PCDH15: variants seen among roughly 807,000 people sequenced by gnomAD.
The protein encoded by PCDH15 is protocadherin-15.
PCDH15 carries 129 observed loss-of-function variants against 178.5 expected under a neutral mutation model. That is an observed-to-expected ratio of 0.72 (90% CI 0.63 to 0.84). The LOEUF (loss-of-function observed/expected upper bound fraction) is 0.84, where lower values mean the gene tolerates loss of function less well. PCDH15 is among the 40% of genes least tolerant of loss of function. PCDH15 has a pLI of 0.00. For missense variants in PCDH15, 2,230 were observed against 2,099.9 expected (o/e 1.06, Z -1.21); for synonymous variants, 800 against 732.0 (o/e 1.09, Z -1.50).
At chr10:55,594,239 A>T (rs1278145177) in intron 2 of PCDH15, among the ~76,000 whole-genome samples, 10 of 151,904 alleles carry the variant, frequency 6.6e-5, no homozygotes, top group Non-Finnish European at 1.5e-4. Context: ...CTTAATTGTT[A>T]TAATGATTAA....
chr10:54,814,857 T>C (rs1436856874), intron 3 of PCDH15, among the ~76,000 whole-genome samples: 3 of 152,152 alleles, frequency 2.0e-5, no homozygotes, highest in African/African-American at 7.2e-5. Flanking sequence ...GAGTCTTTCA[T>C]CCTGTTTCCA....
chr10:54,331,316 A>C (rs1485995007), intron 6 of PCDH15, among the ~76,000 whole-genome samples: 2 of 151,782 alleles, frequency 1.3e-5, no homozygotes, highest in African/African-American at 4.8e-5. Flanking sequence ...ATAAAGACAC[A>C]CACACTGTAC....
intron 2 of PCDH15, among the ~76,000 whole-genome samples, chr10:55,119,090 C>T (rs569315041): frequency 1.2e-4 from 19 of 152,248 alleles, no homozygotes; most frequent in African/African-American, 4.6e-4. Flanking sequence ...TCACCAGCTG[C>T]CTCTGTAGGT....
chr10:54,990,977 AC>A (rs1406404463), intron 2 of PCDH15, among the ~76,000 whole-genome samples: 5 of 150,740 alleles, frequency 3.3e-5, no homozygotes, highest in Non-Finnish European at 7.4e-5. Flanking sequence ...GAAAAAAAAA[AC>A]AATTCTAATT....
intron 2 of PCDH15, among the ~76,000 whole-genome samples, chr10:55,342,121 T>C (rs1400704867): frequency 1.3e-5 from 2 of 151,608 alleles, no homozygotes; most frequent in Non-Finnish European, 2.9e-5. Context: ...AATAAAATTT[T>C]ATTTTCCCTG....
chr10:54,493,774 G>A (rs1408707332), intron 3 of PCDH15, among the ~76,000 whole-genome samples: 1 of 152,056 alleles, frequency 6.6e-6, no homozygotes, highest in Non-Finnish European at 1.5e-5. Context: ...CTGCTACAAA[G>A]ACACATGCAC....
chr10:53,980,987 T>C (rs1376885350), intron 21 of PCDH15, among the ~76,000 whole-genome samples: 1 of 152,210 alleles, frequency 6.6e-6, no homozygotes, highest in Non-Finnish European at 1.5e-5. Context: ...TGTCCTTTTA[T>C]CTGCTAAATT....
At chr10:54,478,323 T>C (rs1031757838) in intron 3 of PCDH15, among the ~76,000 whole-genome samples, 1 of 152,134 alleles carries the variant, frequency 6.6e-6, no homozygotes, top group Non-Finnish European at 1.5e-5. Context: ...AGAAAAAGTT[T>C]ACTAAAACAG....
At chr10:54,353,104 C>A (rs751428462) in intron 5 of PCDH15, among the ~76,000 whole-genome samples, 1 of 152,068 alleles carries the variant, frequency 6.6e-6, no homozygotes, top group African/African-American at 2.4e-5. Flanking sequence ...TCTGAATCTA[C>A]GATTATTTAT....
intron 2 of PCDH15, among the ~76,000 whole-genome samples, chr10:54,903,153 G>C (rs567833074): frequency 6.6e-6 from 1 of 152,064 alleles, no homozygotes; most frequent in African/African-American, 2.4e-5. Flanking sequence ...TATGAAGGAG[G>C]AAACAGACTA....
chr10:54,391,587 GA>G (rs112034818), intron 3 of PCDH15, among the ~76,000 whole-genome samples: 2,989 of 146,776 alleles, frequency 0.02, 97 homozygotes, highest in African/African-American at 0.068. Flanking sequence ...ATTTCATCAG[GA>G]AAAAAAAAAA....
chr10:53,894,129 T>C (rs548830153), intron 26 of PCDH15, among the ~76,000 whole-genome samples: 4 of 152,174 alleles, frequency 2.6e-5, no homozygotes, highest in Non-Finnish European at 4.4e-5. Context: ...TGTCTTTAAG[T>C]TGATGGGAAA....
At chr10:55,597,174 G>A (rs1406299224) in intron 2 of PCDH15, 3 of 152,124 alleles carry the variant, frequency 2.0e-5, no homozygotes, top group Non-Finnish European at 4.4e-5. Context: ...AATATTCTGA[G>A]TCAACATACC....
chr10:53,952,659 C>G (rs916964982), intron 23 of PCDH15, among the ~76,000 whole-genome samples: 3 of 152,184 alleles, frequency 2.0e-5, no homozygotes, highest in Non-Finnish European at 2.9e-5. Context: ...CAGACCCATC[C>G]CTTTCCACCC....
chr10:55,053,380 C>T (rs373284851), intron 2 of PCDH15, among the ~76,000 whole-genome samples: 166 of 152,238 alleles, frequency 1.1e-3, no homozygotes, highest in African/African-American at 3.7e-3. Context: ...TACATCAAGA[C>T]GGTACATGAG....
chr10:55,211,748 T>TA lies in PCDH15; in HGVS notation c.-155-45098dup, dbSNP rs766883179. 2.6e-5 allele frequency among the ~76,000 whole-genome samples: 4 copies of TA among 152,082 alleles called. No individual in the cohort carries two copies. In the East Asian group the frequency reaches 7.7e-4, roughly 29 times the overall value. ...CTAAATATATATAGACAAATTGACT[T>TA]AAAGTGAACAAAGAAAGTTACTATA... On this transcript the variant is annotated intron_variant, in intron 1 of 5. Transcript: ENST00000458638.
At chr10:55,255,935 C>T (rs1235425707) in intron 1 of PCDH15, among the ~76,000 whole-genome samples, 1 of 147,770 alleles carries the variant, frequency 6.8e-6, no homozygotes, top group East Asian at 2.0e-4. Flanking sequence ...TTTTGCTGTG[C>T]AGAAGCTGTT....
chr10:55,172,208 T>C (rs1044547679), intron 1 of PCDH15, among the ~76,000 whole-genome samples: 4 of 151,974 alleles, frequency 2.6e-5, no homozygotes, highest in African/African-American at 9.7e-5. Context: ...ATAGGGAACC[T>C]TGACTGACAA....
At chr10:53,821,204 C>T (rs1310191802) in intron 32 of PCDH15, 3 of 963,382 alleles carry the variant, frequency 3.1e-6, no homozygotes, top group Non-Finnish European at 3.6e-6. Context: ...TTATCAAATC[C>T]ATAAGCATAC....
Sources: allele counts gnomAD v4.1 joint callset (sites outside exome capture counted in the v4.1 genomes callset), GRCh38; gene constraint gnomAD v4.1.1; transcripts MANE v1.5; gene names NCBI Gene and HGNC (gene_info 2026-07-23, HGNC 2026-07-21).